Variants in AFG2A observed in about 807,000 individuals in gnomAD.
AFG2A encodes ATPase family gene 2 protein homolog A.
chr4:123,134,540 T>G, the AFG2A span, among the ~76,000 whole-genome samples: 4 of 152,014 alleles, frequency 2.6e-5, no homozygotes, highest in Non-Finnish European at 5.9e-5. Flanking sequence ...TTGTTCTTTT[T>G]GGTCAAGATT....
chr4:123,006,448 A>G, the AFG2A span, among the ~76,000 whole-genome samples: 2 of 152,130 alleles, frequency 1.3e-5, no homozygotes, highest in Non-Finnish European at 1.5e-5. Context: ...CAAATTTGAA[A>G]AAAAAAATTT....
the AFG2A span, among the ~76,000 whole-genome samples, chr4:123,248,705 C>T: frequency 9.2e-5 from 14 of 152,108 alleles, no homozygotes; most frequent in African/African-American, 3.4e-4. Context: ...TGCTGAATAT[C>T]AATTCTTTTT....
At chr4:123,234,919 C>T in the AFG2A span, among the ~76,000 whole-genome samples, 7 of 152,084 alleles carry the variant, frequency 4.6e-5, no homozygotes, top group South Asian at 2.1e-4. Context: ...AATAGTACCT[C>T]GCCTTCCGGG....
the AFG2A span, among the ~76,000 whole-genome samples, chr4:123,005,481 T>G: frequency 6.6e-6 from 1 of 152,156 alleles, no homozygotes; most frequent in Non-Finnish European, 1.5e-5. Flanking sequence ...CTGTTTTCTA[T>G]TTTATTTATT....
the AFG2A span, among the ~76,000 whole-genome samples, chr4:123,294,615 G>C: frequency 1.3e-5 from 2 of 152,160 alleles, no homozygotes; most frequent in African/African-American, 4.8e-5. Flanking sequence ...GGAGTATAGT[G>C]TATCACTGAA....
the AFG2A span, among the ~76,000 whole-genome samples, chr4:123,115,521 G>A: frequency 1.1e-4 from 16 of 152,190 alleles, no homozygotes; most frequent in South Asian, 3.3e-3. Flanking sequence ...CACTCTGTGC[G>A]CAACTGCAGC....
At chr4:123,237,299 A>G in the AFG2A span, among the ~76,000 whole-genome samples, 1 of 152,214 alleles carries the variant, frequency 6.6e-6, no homozygotes, top group South Asian at 2.1e-4. Context: ...AGTCCCTGCC[A>G]TGTGCCTCAA....
chr4:123,264,308 A>G, the AFG2A span, among the ~76,000 whole-genome samples: 11 of 152,274 alleles, frequency 7.2e-5, no homozygotes, highest in Admixed American at 2.6e-4. Context: ...AATCACCACT[A>G]AAGAACTTAT....
chr4:123,017,129 A>T, the AFG2A span, among the ~76,000 whole-genome samples: 1 of 120,046 alleles, frequency 8.3e-6, no homozygotes, highest in African/African-American at 3.4e-5. Context: ...AGGGAGAGGG[A>T]GACCGTGGGG....
At chr4:123,190,875 A>C in the AFG2A span, among the ~76,000 whole-genome samples, 1 of 152,026 alleles carries the variant, frequency 6.6e-6, no homozygotes, top group Non-Finnish European at 1.5e-5. Flanking sequence ...TTAGGATTCA[A>C]CTCTTTCACT....
chr4:123,126,410 A>AT, the AFG2A span, among the ~76,000 whole-genome samples: 8 of 152,170 alleles, frequency 5.3e-5, no homozygotes, highest in African/African-American at 1.9e-4. Context: ...GATGTTCTCT[A>AT]ATAGTTCATG....
the AFG2A span, among the ~76,000 whole-genome samples, chr4:123,266,330 T>G: frequency 6.6e-6 from 1 of 152,092 alleles, no homozygotes; most frequent in East Asian, 1.9e-4. Flanking sequence ...GGTCCTTAAC[T>G]TCACAGTTGT....
the AFG2A span, among the ~76,000 whole-genome samples, chr4:123,218,130 A>G: frequency 0.12 from 18,172 of 152,188 alleles, 1,510 homozygotes; most frequent in East Asian, 0.45. Context: ...TTCCTTTACA[A>G]TTTCTTCTCC....
At chr4:123,058,576 G>A in the AFG2A span, among the ~76,000 whole-genome samples, 1 of 152,168 alleles carries the variant, frequency 6.6e-6, no homozygotes, top group Non-Finnish European at 1.5e-5. Context: ...GGTGAGCTGA[G>A]ACTGCTCCAT....
the AFG2A span, among the ~76,000 whole-genome samples, chr4:122,980,324 T>G: frequency 2.0e-5 from 3 of 152,230 alleles, no homozygotes; most frequent in African/African-American, 7.2e-5. Context: ...CAGTATTTTC[T>G]TCTTTTTATA....
the AFG2A span, among the ~76,000 whole-genome samples, chr4:123,298,101 G>T: frequency 4.5e-5 from 4 of 89,744 alleles, no homozygotes; most frequent in Admixed American, 4.0e-4. Flanking sequence ...ACATGCATGC[G>T]TGCATACACA....
At chr4:123,250,668 G>T in the AFG2A span, among the ~76,000 whole-genome samples, 82,933 of 152,054 alleles carry the variant, frequency 0.55, 25,942 homozygotes, top group Non-Finnish European at 0.68. Context: ...CTTGCCCAAG[G>T]TCTTGAATAA....
chr4:123,150,746 T>G, the AFG2A span, among the ~76,000 whole-genome samples: 1 of 152,198 alleles, frequency 6.6e-6, no homozygotes, highest in African/African-American at 2.4e-5. Flanking sequence ...ATTGACTTCC[T>G]TCACAGAATT....
chr4:123,294,319 C>T, the AFG2A span, among the ~76,000 whole-genome samples: 5 of 152,130 alleles, frequency 3.3e-5, no homozygotes, highest in African/African-American at 1.2e-4. Context: ...TCTCAGATGC[C>T]AGCTATGGAA....
Sources: gnomAD v4.1 joint callset for allele counts (sites outside exome capture counted in the v4.1 genomes callset) on GRCh38, gnomAD v4.1.1 for gene constraint, MANE v1.5 for transcripts, NCBI Gene and HGNC (gene_info 2026-07-23, HGNC 2026-07-21) for gene names.